Variants in HEMK2 observed in about 807,000 individuals in gnomAD.
HEMK2 encodes HemK methyltransferase 2, ETF1 glutamine and histone H4 lysine, also known as methyltransferase HEMK2.
At chr21:28,771,670 C>G in the HEMK2 span, among the ~76,000 whole-genome samples, 1 of 152,072 alleles carries the variant, frequency 6.6e-6, no homozygotes, top group African/African-American at 2.4e-5. Flanking sequence ...TTTTAACAGT[C>G]TTGTTTTAGG....
At chr21:28,727,280 C>T in the HEMK2 span, among the ~76,000 whole-genome samples, 3 of 152,198 alleles carry the variant, frequency 2.0e-5, no homozygotes, top group Non-Finnish European at 4.4e-5. Context: ...CATTTACATA[C>T]ACTTCAGTGG....
chr21:28,852,545 TGCCCTGGTAGAA>T, the HEMK2 span, among the ~76,000 whole-genome samples: 1 of 152,174 alleles, frequency 6.6e-6, no homozygotes, highest in African/African-American at 2.4e-5. Flanking sequence ...AATCCACAGT[TGCCCTGGTAGAA>T]GCTAGAGGTG....
chr21:28,612,253 G>A, the HEMK2 span, among the ~76,000 whole-genome samples: 1 of 150,744 alleles, frequency 6.6e-6, no homozygotes, highest in African/African-American at 2.4e-5. Flanking sequence ...GGGTTTCATA[G>A]CAGGAATGCA....
the HEMK2 span, among the ~76,000 whole-genome samples, chr21:28,713,619 T>A: frequency 7.9e-5 from 12 of 152,162 alleles, no homozygotes; most frequent in Admixed American, 5.9e-4. Flanking sequence ...CATCCTAGCC[T>A]AGTAGCACTT....
chr21:28,665,387 A>ATTTTTTTTTTT, the HEMK2 span, among the ~76,000 whole-genome samples: 6 of 14,416 alleles, frequency 4.2e-4, no homozygotes, highest in Non-Finnish European at 5.4e-4. Flanking sequence ...TTTTTTTTTA[A>ATTTTTTTTTTT]TTTTTTTTTT....
At chr21:28,614,865 C>T in the HEMK2 span, among the ~76,000 whole-genome samples, 2 of 152,164 alleles carry the variant, frequency 1.3e-5, no homozygotes, top group African/African-American at 2.4e-5. Context: ...AGTTTCAAAA[C>T]CCTTCAGAGC....
chr21:28,728,496 G>A, the HEMK2 span, among the ~76,000 whole-genome samples: 1 of 112,066 alleles, frequency 8.9e-6, no homozygotes, highest in Non-Finnish European at 1.7e-5. Context: ...GAACATGGAA[G>A]AACTCTTAAG....
the HEMK2 span, among the ~76,000 whole-genome samples, chr21:28,805,339 G>A: frequency 7.9e-3 from 1,200 of 152,228 alleles, 17 homozygotes; most frequent in African/African-American, 0.027. Flanking sequence ...ATCCAGCACT[G>A]TATAGGCTCT....
the HEMK2 span, among the ~76,000 whole-genome samples, chr21:28,803,753 A>T: frequency 6.6e-6 from 1 of 152,076 alleles, no homozygotes; most frequent in African/African-American, 2.4e-5. Flanking sequence ...ATTTCTTTCT[A>T]CCTCTACTAC....
chr21:28,582,264 G>A, the HEMK2 span, among the ~76,000 whole-genome samples: 3 of 152,204 alleles, frequency 2.0e-5, no homozygotes, highest in Non-Finnish European at 2.9e-5. Context: ...AGGACCAGAC[G>A]GTAGTCCAGC....
chr21:28,674,939 A>G, the HEMK2 span: 8 of 152,194 alleles, frequency 5.3e-5, no homozygotes, highest in Admixed American at 5.2e-4. Flanking sequence ...TCACTTCCCA[A>G]AAGGCCCCAC....
the HEMK2 span, among the ~76,000 whole-genome samples, chr21:28,680,791 C>T: frequency 0.02 from 3,011 of 152,080 alleles, 41 homozygotes; most frequent in Middle Eastern, 0.034. Flanking sequence ...ACAGAACCAA[C>T]GACAAAAACC....
chr21:28,802,978 T>C, the HEMK2 span, among the ~76,000 whole-genome samples: 1 of 152,156 alleles, frequency 6.6e-6, no homozygotes, highest in African/African-American at 2.4e-5. Flanking sequence ...AGGTCTCTTG[T>C]TATAAACTTT....
chr21:28,856,708 C>T, the HEMK2 span, among the ~76,000 whole-genome samples: 1 of 152,168 alleles, frequency 6.6e-6, no homozygotes, highest in Non-Finnish European at 1.5e-5. Flanking sequence ...GGATCCCCCA[C>T]CCCTAGCCAA....
the HEMK2 span, among the ~76,000 whole-genome samples, chr21:28,722,656 C>A: frequency 6.6e-6 from 1 of 152,096 alleles, no homozygotes; most frequent in Non-Finnish European, 1.5e-5. Flanking sequence ...CAGAGGCAGG[C>A]GGATGACCTG....
chr21:28,744,269 ATAAAT>A, the HEMK2 span, among the ~76,000 whole-genome samples: 1 of 152,148 alleles, frequency 6.6e-6, no homozygotes, highest in African/African-American at 2.4e-5. Flanking sequence ...CAAAAATAAA[ATAAAT>A]TAACAATTAA....
chr21:28,789,116 TA>T, the HEMK2 span, among the ~76,000 whole-genome samples: 32 of 151,338 alleles, frequency 2.1e-4, no homozygotes, highest in South Asian at 8.4e-4. Context: ...GTTTTAAGTT[TA>T]AAAAAAAAGG....
At chr21:28,799,571 C>G in the HEMK2 span, among the ~76,000 whole-genome samples, 11,551 of 152,210 alleles carry the variant, frequency 0.076, 474 homozygotes, top group Middle Eastern at 0.11. Flanking sequence ...ACTGAGAAAA[C>G]TTTGTAGACA....
At chr21:28,861,354 A>G in the HEMK2 span, among the ~76,000 whole-genome samples, 2 of 152,222 alleles carry the variant, frequency 1.3e-5, no homozygotes, top group Non-Finnish European at 2.9e-5. Context: ...TGGCTAATTA[A>G]TCATGGTGCT....
Sources: gnomAD v4.1 joint callset for allele counts (sites outside exome capture counted in the v4.1 genomes callset) on GRCh38, gnomAD v4.1.1 for gene constraint, MANE v1.5 for transcripts, NCBI Gene and HGNC (gene_info 2026-07-23, HGNC 2026-07-21) for gene names.